Variants in CCZ1B observed in about 807,000 individuals in gnomAD.
CCZ1B encodes the protein CCZ1B vacuolar protein trafficking and biogenesis associated, also known as vacuolar fusion protein CCZ1 homolog B.
Under a neutral mutation model 58.8 loss-of-function variants are expected in CCZ1B, and 25 were observed. That is an observed-to-expected ratio of 0.43 (90% CI 0.31 to 0.59). CCZ1B has a LOEUF of 0.59. Ranked by LOEUF, CCZ1B falls within the 20% of genes least tolerant of loss-of-function variation. The pLI, the probability that CCZ1B is intolerant of heterozygous loss-of-function variation, is 0.12. For missense variants in CCZ1B, 180 were observed against 501.5 expected (o/e 0.36, Z 6.12); for synonymous variants, 66 against 173.2 (o/e 0.38, Z 4.86).
Position 6,819,932 on chromosome 7 carries a change from T to C in CCZ1B, c.532A>G (p.Thr178Ala). The C allele has an allele frequency of 1.2e-6, 2 of 1,606,130 alleles. No individual in the cohort carries two copies. Among genetic ancestry groups the C allele is most frequent in the Non-Finnish European group, 1.7e-6 (2 of 1,177,050 alleles). The change falls in exon 7 of 15, where the codon ACG becomes GCG. Residue 178 changes from threonine (T) to alanine (A), a missense_variant. Transcript: ENST00000316731. ...LEKFFHRYLQTLHLQSCDLLD... is the reference protein window; with the variant it reads ...LEKFFHRYLQALHLQSCDLLD... ...AGGTCACATGACTGCAAATGTAGCG[T>C]TTGCAAATACTGTGGAAAAAAAATA...
At chr7:6,805,146 G>A (rs1782817661) in intron 11 of CCZ1B, 91 bp from the exon 12 acceptor site, 1 of 1,021,458 alleles carries the variant, frequency 9.8e-7, no homozygotes, top group Non-Finnish European at 1.2e-6. Context: ...ACTGGTCTGG[G>A]AAAACAAACA....
rs757314108 is a variant in CCZ1B at position 6,819,873 on chromosome 7, C to T, written c.591G>A (p.Pro197=). Residue 197 remains proline (P), a synonymous_variant, in exon 7 of 15, where the codon CCG becomes CCA. Coordinates refer to ENST00000316731, the MANE Select transcript of CCZ1B (RefSeq NM_198097.5). ...TTTTCAAATAAGTCATTTTATCCAA[C>T]GGGAAGAAGCTGATTCCACCAAAAA... ...LDIFGGISFF[P]LDKMTYLKIQ... 16 of 1,584,752 alleles carry T rather than the reference C, an allele frequency of 1.0e-5. No individual in the cohort carries two copies. In the East Asian group the frequency reaches 1.6e-4, roughly 15 times the overall value.
intron 10 of CCZ1B, among the ~76,000 whole-genome samples, chr7:6,808,507 G>A (rs1456467023): frequency 6.0e-5 from 9 of 150,064 alleles, no homozygotes; most frequent in South Asian, 4.2e-4. Flanking sequence ...TGCCCCACAC[G>A]CCTCTTCCCC....
intron 6 of CCZ1B, among the ~76,000 whole-genome samples, chr7:6,820,690 G>A (rs1310596758): frequency 6.7e-6 from 1 of 148,786 alleles, no homozygotes; most frequent in Admixed American, 6.7e-5. Context: ...GGGAGGCCAA[G>A]GCGGGCACAT....
chr7:6,823,301 C>T lies in CCZ1B; in HGVS notation c.438+12G>A, dbSNP rs771793329. The T allele has an allele frequency of 1.5e-5, 24 of 1,605,480 alleles. 1 individual carries two copies. Among genetic ancestry groups the T allele is most frequent in the Admixed American group, 6.7e-5 (4 of 59,452 alleles). ...GGTTGGACTCTGAGTTGAGAAAGAACGCCACGCTTACCTTGTACATGCTGT... is the reference window on the plus strand; with the variant it reads ...GGTTGGACTCTGAGTTGAGAAAGAATGCCACGCTTACCTTGTACATGCTGT... On this transcript the variant is annotated intron_variant, in intron 5 of 14. Coordinates refer to ENST00000316731, the MANE Select transcript of CCZ1B (RefSeq NM_198097.5).
chr7:6,824,165 AC>A lies in CCZ1B; in HGVS notation c.313del (p.Val105LeufsTer6). On this transcript the variant is annotated frameshift_variant and splice_region_variant, in exon 4 of 15. Coordinates refer to ENST00000316731, the MANE Select transcript of CCZ1B (RefSeq NM_198097.5). LOFTEE classifies it high-confidence loss of function. ...TTTTTCAATTATAGGATTCCGAACA[AC>A]CTACAAAGTTTGATAAACTGAAATT... is the stretch of plus-strand genomic sequence containing the variant. Reference protein sequence around the residue: ...EPEENFWMVMVVRNPIIEKQS... With the variant: ...EPEENFWMVMXVRNPIIEKQS... 2 of 1,435,548 alleles carry A rather than the reference AC, an allele frequency of 1.4e-6. No homozygotes were observed. The highest frequency in any genetic ancestry group is 9.3e-7 in the Non-Finnish European group (1 of 1,070,028). The allele number at this position is 1,435,548 out of a possible 1,614,324, so 88.9% of individuals were successfully genotyped here. A position where few individuals can be genotyped will look rare whatever the true frequency, so the allele number is the denominator to read the frequency against.
At chr7:6,814,922 A>G (rs1227237557) in intron 7 of CCZ1B, 77 bp from the exon 8 acceptor site, 1 of 1,205,436 alleles carries the variant, frequency 8.3e-7, no homozygotes, top group South Asian at 2.0e-5. Flanking sequence ...AAAGCTCATT[A>G]AACAAAAATT....
intron 5 of CCZ1B, 45 bp from the exon 6 acceptor site, chr7:6,822,409 C>G (rs1198323030): frequency 1.3e-6 from 2 of 1,572,726 alleles, no homozygotes; most frequent in Admixed American, 2.1e-5. Flanking sequence ...GTTTCCTATG[C>G]TCACTTTTTC....
chr7:6,816,686 C>A (rs1342965380), intron 7 of CCZ1B, among the ~76,000 whole-genome samples: 1 of 150,526 alleles, frequency 6.6e-6, no homozygotes, highest in South Asian at 2.1e-4. Flanking sequence ...ATGTGCACCA[C>A]GCCTGGCTTA....
chr7:6,821,469 A>G (rs1172253854), intron 6 of CCZ1B, among the ~76,000 whole-genome samples: 1 of 152,312 alleles, frequency 6.6e-6, no homozygotes, highest in African/African-American at 2.4e-5. Flanking sequence ...ACAAAACAAC[A>G]AAGAAAAGTA....
chr7:6,801,760 G>GA (rs1782770864), intron 12 of CCZ1B, among the ~76,000 whole-genome samples: 1 of 51,534 alleles, frequency 1.9e-5, no homozygotes, highest in East Asian at 9.2e-4. Flanking sequence ...ATTTTTAGTA[G>GA]AGACGGGGTT....
intron 5 of CCZ1B, among the ~76,000 whole-genome samples, chr7:6,822,613 T>G (rs2711226): frequency 0.023 from 3,379 of 147,904 alleles, 109 homozygotes; most frequent in African/African-American, 0.075. Flanking sequence ...AACTTACCCT[T>G]AAGTTTCAAT....
intron 6 of CCZ1B, among the ~76,000 whole-genome samples, chr7:6,821,158 G>A (rs1399471673): frequency 2.7e-5 from 4 of 149,342 alleles, no homozygotes; most frequent in South Asian, 2.1e-4. Context: ...ACAGGCGTGC[G>A]CCACCACGCC....
chr7:6,816,937 C>CG lies in CCZ1B; in HGVS notation c.699-2093_699-2092insC, dbSNP rs1783011543. Among the ~76,000 whole-genome samples, 26 of 146,660 alleles carry CG rather than the reference C, an allele frequency of 1.8e-4. No individual in the cohort carries two copies. The South Asian group carries it at 3.9e-3, about 22-fold the overall frequency. On this transcript the variant is annotated intron_variant, in intron 7 of 14. Coordinates refer to ENST00000316731, the MANE Select transcript of CCZ1B (RefSeq NM_198097.5). ...CAATGCCCAGCTAATTTTTTTTTTG[C>CG]ATTTTTTGTAGAGATACAGTCTCAC...
At chr7:6,820,208 T>C (rs1783086410) in intron 6 of CCZ1B, among the ~76,000 whole-genome samples, 1 of 149,506 alleles carries the variant, frequency 6.7e-6, no homozygotes, top group Non-Finnish European at 1.5e-5. Context: ...TGACAGAGTC[T>C]TGCTCTGTCA....
chr7:6,816,699 A>G (rs1783005597), intron 7 of CCZ1B, among the ~76,000 whole-genome samples: 1 of 150,494 alleles, frequency 6.6e-6, no homozygotes, highest in Non-Finnish European at 1.5e-5. Context: ...CTGGCTTAAA[A>G]GTCTTTTTGG....
At chr7:6,817,275 G>A (rs1783019481) in intron 7 of CCZ1B, among the ~76,000 whole-genome samples, 1 of 151,498 alleles carries the variant, frequency 6.6e-6, no homozygotes, top group Non-Finnish European at 1.5e-5. Context: ...GGCTTCAAAG[G>A]GCCAACGCTG....
At chr7:6,808,755 C>G (rs1392180087) in intron 10 of CCZ1B, among the ~76,000 whole-genome samples, 1 of 152,118 alleles carries the variant, frequency 6.6e-6, no homozygotes. Flanking sequence ...CTTGTCCAGG[C>G]TGGAGTGCAG....
Position 6,819,704 on chromosome 7 carries a change from G to A in CCZ1B, c.698+62C>T. 3.1e-6 allele frequency: 3 copies of A among 960,454 alleles called. No homozygotes were observed. The South Asian group carries it at 5.1e-5, about 16-fold the overall frequency. 59.5% of individuals were successfully genotyped at this position (960,454 alleles called of 1,614,324 possible). ...TGTTTGACAACCTGTCATCAATCCAGTCACTGCTGTTTTTATTATCTTAAT... is the reference window on the plus strand; with the variant it reads ...TGTTTGACAACCTGTCATCAATCCAATCACTGCTGTTTTTATTATCTTAAT... On this transcript the variant is annotated intron_variant, in intron 7 of 14. Transcript: ENST00000316731.
Sources: allele counts gnomAD v4.1 joint callset (sites outside exome capture counted in the v4.1 genomes callset), GRCh38; gene constraint gnomAD v4.1.1; transcripts MANE v1.5; gene names NCBI Gene and HGNC (gene_info 2026-07-23, HGNC 2026-07-21).